The following CARS2 variants were observed in gnomAD, a reference collection of about 807,000 sequenced individuals.
The protein encoded by CARS2 is probable cysteine--tRNA ligase, mitochondrial.
A neutral mutation model predicts 68.8 loss-of-function variants in CARS2; 52 were observed. The ratio of observed to expected loss-of-function variants is 0.76; its 90% CI spans 0.61 to 0.95. The LOEUF is 0.95. CARS2 is among the 40% of genes least tolerant of loss of function. The pLI is 0.00. For missense variants in CARS2, 780 were observed against 754.2 expected, an observed-to-expected ratio of 1.03 and a Z score of -0.40; for synonymous variants, 314 against 303.6, an observed-to-expected ratio of 1.03 and a Z score of -0.36.
At chr13:110,707,201 C>CTACACCCCAATACAGTG (rs1384861116), upstream of CARS2, 1 of 150,864 alleles carries the variant, frequency 6.6e-6, no homozygotes, top group Admixed American at 6.6e-5. Context: ...CCCCACACAT[C>CTACACCCCAATACAGTG]TACACCCCAA....
intron 3 of CARS2, among the ~76,000 whole-genome samples, chr13:110,700,865 C>T (rs554598296): frequency 8.5e-5 from 13 of 152,262 alleles, no homozygotes; most frequent in Middle Eastern, 3.4e-3. Context: ...AGCCAGGAGA[C>T]GACCACAGAA....
chr13:110,711,615 A>G (rs984055361), intron 1 of CARS2, among the ~76,000 whole-genome samples: 2 of 152,258 alleles, frequency 1.3e-5, no homozygotes, highest in African/African-American at 4.8e-5. Context: ...GAATAGCGTG[A>G]TCTGTAAGTA....
chr13:110,703,709 A>C (rs2063857908), intron 2 of CARS2, among the ~76,000 whole-genome samples: 1 of 152,234 alleles, frequency 6.6e-6, no homozygotes, highest in African/African-American at 2.4e-5. Context: ...AAAATTTCAA[A>C]ACCTGGGACC....
chr13:110,671,033 G>A (rs1425271223), intron 7 of CARS2, among the ~76,000 whole-genome samples: 1 of 152,098 alleles, frequency 6.6e-6, no homozygotes, highest in East Asian at 1.9e-4. Context: ...AAAAAGAAAT[G>A]AACAAAGCCT....
At chr13:110,647,265 G>A in intron 10 of CARS2, 26 bp from the exon 11 acceptor site, 1 of 1,604,928 alleles carries the variant, frequency 6.2e-7, no homozygotes, top group East Asian at 2.2e-5. Context: ...TGGTCACTGA[G>A]GCGGTGCCCA....
intron 5 of CARS2, among the ~76,000 whole-genome samples, chr13:110,686,605 G>T (rs540412259): frequency 2.0e-5 from 3 of 152,108 alleles, no homozygotes; most frequent in African/African-American, 7.2e-5. Flanking sequence ...CACCCAGGCT[G>T]GAGTACAATG....
At chr13:110,710,782 G>C (rs1050385462), upstream of CARS2, among the ~76,000 whole-genome samples, 8 of 152,176 alleles carry the variant, frequency 5.3e-5, no homozygotes, top group Non-Finnish European at 1.2e-4. Flanking sequence ...TTTCACTACT[G>C]TATCCCCAGC....
chr13:110,695,932 C>CT (rs2063611556), intron 3 of CARS2, among the ~76,000 whole-genome samples: 1 of 152,090 alleles, frequency 6.6e-6, no homozygotes, highest in Non-Finnish European at 1.5e-5. Flanking sequence ...CCCCTAGCCC[C>CT]CCAACCCCTG....
intron 2 of CARS2, among the ~76,000 whole-genome samples, chr13:110,704,477 A>G (rs1431100853): frequency 2.0e-5 from 3 of 152,188 alleles, no homozygotes; most frequent in African/African-American, 7.2e-5. Flanking sequence ...TAATCCCAAC[A>G]CTTTGGGAGG....
intron 12 of CARS2, 161 bp from the exon 13 acceptor site, chr13:110,644,644 C>T: frequency 2.4e-6 from 3 of 1,225,618 alleles, no homozygotes; most frequent in Non-Finnish European, 3.3e-6. Context: ...TCGGCTACCT[C>T]ACTGCAGACC....
At chr13:110,671,044 C>A (rs888613647) in intron 7 of CARS2, among the ~76,000 whole-genome samples, 1 of 152,086 alleles carries the variant, frequency 6.6e-6, no homozygotes, top group Non-Finnish European at 1.5e-5. Flanking sequence ...AACAAAGCCT[C>A]CGAGAAATAT....
chr13:110,694,631 T>C (rs1158914354), intron 3 of CARS2, among the ~76,000 whole-genome samples: 1 of 152,068 alleles, frequency 6.6e-6, no homozygotes, highest in Non-Finnish European at 1.5e-5. Flanking sequence ...AGTGAGACCC[T>C]GTCTCAAAAC....
rs116859249 is a variant in CARS2, at chr13:110,655,566, G to A, written c.988-4466C>T. Among the ~76,000 whole-genome samples, 677 of 152,326 alleles carry A rather than the reference G, an allele frequency of 4.4e-3. 6 individuals are homozygous for A. Among genetic ancestry groups the A allele is most frequent in the Non-Finnish European group, 7.6e-3 (516 of 68,038 alleles). On this transcript the variant is annotated intron_variant, in intron 9 of 14. Coordinates refer to ENST00000257347, the MANE Select transcript of CARS2 (RefSeq NM_024537.4). ...GAGAAGCACAGCTATAGGGAGATGT[G>A]TGCACACACACACCTGCTCCGAGAA...
At chr13:110,695,561 C>A (rs1268498729) in intron 3 of CARS2, among the ~76,000 whole-genome samples, 4 of 151,924 alleles carry the variant, frequency 2.6e-5, no homozygotes, top group Non-Finnish European at 5.9e-5. Context: ...CATTATTCAG[C>A]CATAAAAAGG....
At chr13:110,667,232 T>C in intron 8 of CARS2, 108 bp downstream of exon 8, 1 of 1,005,212 alleles carries the variant, frequency 9.9e-7, no homozygotes, top group Non-Finnish European at 1.4e-6. Context: ...ATCCATTTCT[T>C]GACCTATTAG....
chr13:110,644,663 A>G lies in CARS2; in HGVS notation c.1318-180T>C. On this transcript the variant is annotated intron_variant, in intron 12 of 14. Coordinates refer to ENST00000257347, the MANE Select transcript of CARS2 (RefSeq NM_024537.4). ...CTACCTCACTGCAGACCATACAACT[A>G]TAGGTGCATGAGGAATCTCTTGTGC... The G allele has an allele frequency of 3.8e-6, 4 of 1,056,660 alleles. No individual in the cohort carries two copies. The South Asian group carries it at 5.1e-5, about 14-fold the overall frequency. The allele number at this position is 1,056,660 out of a possible 1,614,324, so 65.5% of individuals were successfully genotyped here.
intron 9 of CARS2, among the ~76,000 whole-genome samples, chr13:110,657,411 G>A (rs1256654131): frequency 6.6e-6 from 1 of 152,202 alleles, no homozygotes; most frequent in African/African-American, 2.4e-5. Flanking sequence ...GCAGGTCTGG[G>A]TAGGAAAGCA....
chr13:110,711,881 A>C (rs1199766671), intron 1 of CARS2, among the ~76,000 whole-genome samples: 1 of 152,246 alleles, frequency 6.6e-6, no homozygotes, highest in Non-Finnish European at 1.5e-5. Context: ...GCGGTTAATA[A>C]TCTACTCTAT....
intron 9 of CARS2, among the ~76,000 whole-genome samples, chr13:110,659,497 CT>C (rs34169536): frequency 0.44 from 64,492 of 147,540 alleles, 14,723 homozygotes; most frequent in African/African-American, 0.6. Flanking sequence ...CCCAGATCTC[CT>C]TTTTTTTTTT....
Sources: allele counts gnomAD v4.1 joint callset (sites outside exome capture counted in the v4.1 genomes callset), GRCh38; gene constraint gnomAD v4.1.1; transcripts MANE v1.5; gene names NCBI Gene and HGNC (gene_info 2026-07-23, HGNC 2026-07-21).